The following OSGIN2 variants were observed in gnomAD, a reference collection of about 807,000 sequenced individuals.
OSGIN2 encodes the protein oxidative stress induced growth inhibitor family member 2.
OSGIN2 carries 19 observed loss-of-function variants against 53.8 expected under a neutral mutation model. That is an observed-to-expected ratio of 0.35 (90% confidence interval 0.25 to 0.52). The LOEUF (loss-of-function observed/expected upper bound fraction) is 0.52. Among genes scored for constraint, OSGIN2 ranks in the 20% least tolerant of loss-of-function variants. The pLI is 0.95. For synonymous variants in OSGIN2, 236 were observed against 236.0 expected (o/e 1.00, Z 0.00); for missense variants, 520 against 662.7 (o/e 0.78, Z 2.36).
intron 4 of OSGIN2, among the ~76,000 whole-genome samples, chr8:89,917,627 T>A (rs1263737292): frequency 6.6e-6 from 1 of 152,248 alleles, no homozygotes; most frequent in Non-Finnish European, 1.5e-5. Flanking sequence ...TATTTCCTTA[T>A]TAACTTCTTT....
Position 89,926,540 on chromosome 8 carries a change from C to A in OSGIN2, c.*1008C>A, listed in dbSNP as rs781350057. ...AATAGAAAATAAAGTCAGAATTTTT[C>A]TTTTCCATTCCAAAGGTGTACTTAG... is the stretch of plus-strand genomic sequence containing the variant. On this transcript the variant is annotated 3_prime_UTR_variant, in exon 6 of 6. Coordinates refer to ENST00000451899, the MANE Select transcript of OSGIN2 (RefSeq NM_001126111.3). 6 of 152,540 alleles carry A rather than the reference C, an allele frequency of 3.9e-5. No individual in the cohort carries two copies. Among genetic ancestry groups the A allele is most frequent in the Non-Finnish European group, 8.8e-5 (6 of 67,988 alleles). 9.4% of individuals were successfully genotyped at this position (152,540 alleles called of 1,614,324 possible).
chr8:89,919,859 G>A (rs1410392504), intron 4 of OSGIN2, among the ~76,000 whole-genome samples: 3 of 152,136 alleles, frequency 2.0e-5, no homozygotes, highest in African/African-American at 2.4e-5. Context: ...ATATGCTCCT[G>A]CATACTTCTA....
chr8:89,913,526 TG>T (rs1408430560), intron 2 of OSGIN2, among the ~76,000 whole-genome samples: 1 of 151,992 alleles, frequency 6.6e-6, no homozygotes, highest in African/African-American at 2.4e-5. Flanking sequence ...TGATTGGGAG[TG>T]GGTGAATCTC....
At chr8:89,903,389 C>A (rs1725355475) in intron 1 of OSGIN2, among the ~76,000 whole-genome samples, 1 of 152,172 alleles carries the variant, frequency 6.6e-6, no homozygotes, top group Admixed American at 6.5e-5. Context: ...AAATATAATA[C>A]ATTTCTAAAA....
intron 1 of OSGIN2, among the ~76,000 whole-genome samples, chr8:89,903,261 T>C (rs889356140): frequency 6.6e-6 from 1 of 152,238 alleles, no homozygotes. Flanking sequence ...TGTCATCTAA[T>C]CACAAATAGA....
intron 3 of OSGIN2, 112 bp downstream of exon 3, chr8:89,914,325 A>T: frequency 1.4e-6 from 1 of 739,362 alleles, no homozygotes; most frequent in African/African-American, 1.8e-5. Context: ...AACACCTTAT[A>T]TCATTTTTAT....
Position 89,911,639 on chromosome 8 carries a change from A to AAAAAAAG in OSGIN2, c.199+1923_199+1924insAGAAAAA, listed in dbSNP as rs1170397879. 4.9e-3 allele frequency among the ~76,000 whole-genome samples: 746 copies of AAAAAAAG among 150,734 alleles called. 7 individuals carry two copies. Among genetic ancestry groups the AAAAAAAG allele is most frequent in the African/African-American group, 0.017 (707 of 40,828 alleles). On this transcript the variant is annotated intron_variant, in intron 2 of 5. Coordinates refer to ENST00000451899, the MANE Select transcript of OSGIN2 (RefSeq NM_001126111.3). ...GTGAAACTCTGTCTAAAAAAAAAAAAAAAAAGAAAAGAGGGCCAGGCCTGG... is the reference window on the plus strand; with the variant it reads ...GTGAAACTCTGTCTAAAAAAAAAAAAAAAAAAGAAAAAGAAAAGAGGGCCAGGCCTGG...
intron 2 of OSGIN2, among the ~76,000 whole-genome samples, chr8:89,911,345 A>T (rs1336051189): frequency 6.6e-6 from 1 of 152,116 alleles, no homozygotes; most frequent in Non-Finnish European, 1.5e-5. Flanking sequence ...GGACTGGGAC[A>T]TCTCTGGGCA....
chr8:89,915,428 A>T (rs1327890144), intron 4 of OSGIN2, among the ~76,000 whole-genome samples: 1 of 152,170 alleles, frequency 6.6e-6, no homozygotes, highest in Non-Finnish European at 1.5e-5. Flanking sequence ...CCCCATCTCC[A>T]AAAGCATCAC....
intron 5 of OSGIN2, among the ~76,000 whole-genome samples, chr8:89,921,887 G>T (rs1461682108): frequency 6.6e-6 from 1 of 152,070 alleles, no homozygotes; most frequent in Non-Finnish European, 1.5e-5. Context: ...GCTAAGGCAG[G>T]AGAATTGCTT....
In OSGIN2 at chr8:89,919,075, G is replaced by A. The variant is rs536583668; in HGVS notation, c.529-2005G>A. ...TTGCTCTCCATCTAACATATAGTAT[G>A]TAGACTTCGTAATGTATCTCACCAT... is the stretch of plus-strand genomic sequence containing the variant. On this transcript the variant is annotated intron_variant, in intron 4 of 5. Transcript: ENST00000451899. 3.9e-5 allele frequency among the ~76,000 whole-genome samples: 6 copies of A among 152,274 alleles called. No homozygotes were observed. The South Asian group carries it at 1.0e-3, about 26-fold the overall frequency.
At chr8:89,911,748 CAG>C (rs1021262064) in intron 2 of OSGIN2, among the ~76,000 whole-genome samples, 11 of 151,320 alleles carry the variant, frequency 7.3e-5, no homozygotes, top group Non-Finnish European at 1.3e-4. Flanking sequence ...TCCTGGCTAA[CAG>C]GGTGAAACCT....
chr8:89,914,482 T>C lies in OSGIN2; in HGVS notation c.337-73T>C, dbSNP rs1037800587. 4.5e-6 allele frequency: 5 copies of C among 1,112,446 alleles called. No individual in the cohort carries two copies. The Admixed American group carries it at 1.1e-4, about 24-fold the overall frequency. 68.9% of individuals were successfully genotyped at this position (1,112,446 alleles called of 1,614,324 possible). A position where few individuals can be genotyped will look rare whatever the true frequency, so the allele number is the denominator to read the frequency against. On this transcript the variant is annotated intron_variant, in intron 3 of 5. Transcript: ENST00000451899. Reference sequence around the variant, plus strand: ...ACTGCTTTTTATCATTGGAGCATCATGGTAAGCATTAGAATATACTATCTG... The same window carrying C: ...ACTGCTTTTTATCATTGGAGCATCACGGTAAGCATTAGAATATACTATCTG...
rs750132153 is a variant in OSGIN2 at position 89,925,992 on chromosome 8, T to C, written c.*460T>C. On this transcript the variant is annotated 3_prime_UTR_variant, in exon 6 of 6. Transcript: ENST00000451899. ...TGTAGCTTGTTAGAAATGTAAACTC[T>C]CAGGCCCCACAACTTACTTCCTGCA... 5.0e-4 allele frequency: 79 copies of C among 156,938 alleles called. No individual in the cohort carries two copies. Among genetic ancestry groups the C allele is most frequent in the Non-Finnish European group, 7.4e-4 (52 of 70,658 alleles). 9.7% of individuals were successfully genotyped at this position (156,938 alleles called of 1,614,324 possible).
chr8:89,905,422 A>G (rs1437212206), intron 1 of OSGIN2, among the ~76,000 whole-genome samples: 2 of 152,234 alleles, frequency 1.3e-5, no homozygotes, highest in East Asian at 3.8e-4. Flanking sequence ...CAAATATCAA[A>G]TTGGAAATCT....
intron 4 of OSGIN2, 52 bp downstream of exon 4, chr8:89,914,798 A>G (rs1464154518): frequency 8.0e-7 from 1 of 1,256,128 alleles, no homozygotes; most frequent in African/African-American, 1.5e-5. Flanking sequence ...TTGTCTTGAT[A>G]AGACCAACTT....
intron 5 of OSGIN2, 70 bp downstream of exon 5, chr8:89,921,241 A>G (rs751715170): frequency 1.2e-5 from 10 of 866,516 alleles, no homozygotes; most frequent in Non-Finnish European, 1.7e-5. Flanking sequence ...ATTTCAAAAT[A>G]TTTGTGATTT....
chr8:89,916,533 C>T (rs1016948000), intron 4 of OSGIN2, among the ~76,000 whole-genome samples: 6 of 152,052 alleles, frequency 3.9e-5, no homozygotes, highest in African/African-American at 7.2e-5. Context: ...TCTGTTTATG[C>T]GACCATCTCC....
rs755805017 is a variant in OSGIN2, at chr8:89,925,075, A to G, written c.1193A>G (p.His398Arg). The change falls in exon 6 of 6, where the codon CAT becomes CGT. Residue 398 changes from histidine to arginine, a missense_variant. Transcript: ENST00000451899. ...QLPKKLYPEY[H>R]KVYHMMCTQS... ...CCCAAAAAGCTGTATCCTGAATATC[A>G]TAAAGTCTATCATATGATGTGTACT... The G allele has an allele frequency of 6.2e-7, 1 of 1,613,666 alleles. No individual in the cohort carries two copies. The highest frequency in any genetic ancestry group is 8.5e-7 in the Non-Finnish European group (1 of 1,179,510).
Sources: allele counts gnomAD v4.1 joint callset (sites outside exome capture counted in the v4.1 genomes callset), GRCh38; gene constraint gnomAD v4.1.1; transcripts MANE v1.5; gene names NCBI Gene and HGNC (gene_info 2026-07-23, HGNC 2026-07-21).